SYT14: variants seen among roughly 807,000 people sequenced by gnomAD.
The protein encoded by SYT14 is synaptotagmin 14, also known as synaptotagmin-14.
A neutral mutation model predicts 74.2 loss-of-function variants in SYT14; 32 were observed. That is an observed-to-expected ratio of 0.43 (90% CI 0.33 to 0.58). The LOEUF (loss-of-function observed/expected upper bound fraction) is 0.58. Among genes scored for constraint, SYT14 ranks in the 20% least tolerant of loss-of-function variants. The pLI is 0.05. For missense variants in SYT14, 791 were observed against 981.8 expected, an observed-to-expected ratio of 0.81 and a Z score of 2.60; for synonymous variants, 298 against 337.7, an observed-to-expected ratio of 0.88 and a Z score of 1.29.
chr1:210,094,714 A>G (rs927616943), intron 6 of SYT14, 121 bp downstream of exon 5: 1 of 1,162,922 alleles, frequency 8.6e-7, no homozygotes, highest in African/African-American at 1.5e-5. Flanking sequence ...TTATAGTACC[A>G]GTATCCATCC....
At chr1:210,027,588 A>G (rs761542920) in intron 5 of SYT14, among the ~76,000 whole-genome samples, 2 of 152,100 alleles carry the variant, frequency 1.3e-5, no homozygotes, top group Non-Finnish European at 2.9e-5. Flanking sequence ...TCTATTCATA[A>G]CTACACTCGC....
chr1:209,962,048 C>T (rs1001319464), intron 2 of SYT14, among the ~76,000 whole-genome samples: 1 of 151,906 alleles, frequency 6.6e-6, no homozygotes, highest in Non-Finnish European at 1.5e-5. Context: ...ATTGTTAGAT[C>T]AACATGCAAA....
exon 10 of SYT14, chr1:210,161,618 C>T (rs535333244): frequency 2.2e-6 from 1 of 453,972 alleles, no homozygotes; most frequent in East Asian, 6.9e-5. Flanking sequence ...CAGTTCCTCT[C>T]AAAAGCACTA....
At position 210,126,462 on chromosome 1, in the gene SYT14, A is replaced by G. The variant is rs535768186; in HGVS notation, c.2034+26001A>G. Among the ~76,000 whole-genome samples, 5 of 152,270 alleles carry G rather than the reference A, an allele frequency of 3.3e-5. No individual in the cohort carries two copies. The South Asian group carries it at 8.3e-4, about 25-fold the overall frequency. ...CACAGTCTGTTCTTTCAGCTATTCTATACTTTATCATTATATCTTTGTAAC... is the reference window on the plus strand; with the variant it reads ...CACAGTCTGTTCTTTCAGCTATTCTGTACTTTATCATTATATCTTTGTAAC... On this transcript the variant is annotated intron_variant, in intron 7 of 9. Transcript: ENST00000637265.
At chr1:210,078,374 G>A (rs1051607292) in intron 5 of SYT14, among the ~76,000 whole-genome samples, 3 of 151,180 alleles carry the variant, frequency 2.0e-5, no homozygotes, top group Non-Finnish European at 4.4e-5. Flanking sequence ...TGGCCTGACA[G>A]GGTTGGTACA....
At chr1:210,094,512 A>G in exon 6 of SYT14, 1 of 1,613,860 alleles carries the variant, frequency 6.2e-7, no homozygotes, top group Non-Finnish European at 8.5e-7. Context: ...AAGGAAGCAC[A>G]GGTCATGAAA....
At chr1:210,157,748 A>C (rs1221288888) in intron 8 of SYT14, among the ~76,000 whole-genome samples, 1 of 151,668 alleles carries the variant, frequency 6.6e-6, no homozygotes, top group African/African-American at 2.4e-5. Flanking sequence ...CTAAAAAAAT[A>C]AAAATAAAAA....
intron 1 of SYT14, among the ~76,000 whole-genome samples, chr1:209,952,291 G>A (rs2078924692): frequency 6.6e-6 from 1 of 152,026 alleles, no homozygotes; most frequent in Non-Finnish European, 1.5e-5. Flanking sequence ...TATAATGTGA[G>A]CATATATGAT....
chr1:209,949,515 G>A (rs911371644), intron 1 of SYT14, among the ~76,000 whole-genome samples: 20 of 150,956 alleles, frequency 1.3e-4, no homozygotes, highest in African/African-American at 4.9e-4. Context: ...AGAGGTTGCA[G>A]TGAGCTGAGA....
At chr1:210,089,057 A>G (rs1048493035) in intron 5 of SYT14, among the ~76,000 whole-genome samples, 1 of 151,964 alleles carries the variant, frequency 6.6e-6, no homozygotes, top group Non-Finnish European at 1.5e-5. Context: ...ATGCCCCAGC[A>G]TGTGATGTTC....
chr1:209,981,450 C>CTTTTTTT lies in SYT14; in HGVS notation c.-486+28707_-486+28713dup, dbSNP rs1183885685. 2.7e-3 allele frequency among the ~76,000 whole-genome samples: 264 copies of CTTTTTTT among 99,064 alleles called. 1 individual carries two copies. Among genetic ancestry groups the CTTTTTTT allele is most frequent in the Non-Finnish European group, 3.7e-3 (194 of 52,828 alleles). The allele number at this position is 99,064 out of a possible 152,430, so 65.0% of individuals were successfully genotyped here. On this transcript the variant is annotated intron_variant, in intron 2 of 9. Coordinates refer to ENST00000637265, the Ensembl canonical transcript of SYT14. Reference sequence around the variant, plus strand: ...TTCTTTTTCTTTTTCTTTTTCTTTTCTTTTTTTTTTTTTTTTTTTGAGGCA... The same window carrying CTTTTTTT: ...TTCTTTTTCTTTTTCTTTTTCTTTTCTTTTTTTTTTTTTTTTTTTTTTTTTTGAGGCA...
intron 5 of SYT14, among the ~76,000 whole-genome samples, chr1:210,083,863 C>T (rs1177992790): frequency 1.3e-5 from 2 of 151,798 alleles, no homozygotes; most frequent in African/African-American, 4.8e-5. Flanking sequence ...AGCCATTGCA[C>T]CTGGCCAGAT....
At chr1:210,093,780 C>G (rs967388700) in intron 5 of SYT14, among the ~76,000 whole-genome samples, 1 of 152,194 alleles carries the variant, frequency 6.6e-6, no homozygotes, top group African/African-American at 2.4e-5. Context: ...GCACCTCATT[C>G]TAGGATTCTG....
chr1:210,019,742 A>G (rs1326434834), intron 4 of SYT14, among the ~76,000 whole-genome samples: 1 of 152,222 alleles, frequency 6.6e-6, no homozygotes, highest in Non-Finnish European at 1.5e-5. Flanking sequence ...TTTCTTTACT[A>G]CAGATGCTTA....
chr1:210,126,942 A>T (rs887549169), intron 7 of SYT14, among the ~76,000 whole-genome samples: 5 of 152,210 alleles, frequency 3.3e-5, no homozygotes, highest in Admixed American at 3.3e-4. Flanking sequence ...TGTGTGAGTG[A>T]CATATAGAGA....
chr1:210,152,496 C>A (rs2083184785), intron 7 of SYT14, among the ~76,000 whole-genome samples: 2 of 151,898 alleles, frequency 1.3e-5, no homozygotes, highest in South Asian at 4.1e-4. Flanking sequence ...TTATTTTTAT[C>A]GTTGTATATT....
At chr1:210,005,771 A>G (rs1201073617) in intron 2 of SYT14, among the ~76,000 whole-genome samples, 1 of 151,976 alleles carries the variant, frequency 6.6e-6, no homozygotes, top group African/African-American at 2.4e-5. Flanking sequence ...TTATATTAAG[A>G]TTTGGTTTAA....
intron 7 of SYT14, among the ~76,000 whole-genome samples, chr1:210,134,167 A>G (rs1450949687): frequency 7.2e-5 from 11 of 152,028 alleles, no homozygotes; most frequent in Admixed American, 7.2e-4. Flanking sequence ...CAGTGGTGCA[A>G]TCGTGGCTCA....
At chr1:210,127,682 C>A (rs1001453137) in intron 7 of SYT14, among the ~76,000 whole-genome samples, 1 of 152,064 alleles carries the variant, frequency 6.6e-6, no homozygotes, top group Non-Finnish European at 1.5e-5. Context: ...AATAATTTCT[C>A]CTTTAAGTTT....
Sources: allele counts gnomAD v4.1 joint callset (sites outside exome capture counted in the v4.1 genomes callset), GRCh38; gene constraint gnomAD v4.1.1; transcripts MANE v1.5; gene names NCBI Gene and HGNC (gene_info 2026-07-23, HGNC 2026-07-21).